The following ERC1 variants were observed in gnomAD, a reference collection of about 807,000 sequenced individuals.
ERC1 encodes ELKS/RAB6-interacting/CAST family member 1.
A neutral mutation model predicts 132.0 loss-of-function variants in ERC1; 56 were observed. The observed-to-expected ratio is 0.42, with a 90% CI of 0.34 to 0.53. The LOEUF (loss-of-function observed/expected upper bound fraction) is 0.53. Ranked by LOEUF, ERC1 falls within the 20% of genes least tolerant of loss-of-function variation. The probability of loss-of-function intolerance (pLI) is 0.03; values close to 1 mark genes in which losing one functional copy is unlikely to be tolerated. For synonymous variants in ERC1, 478 were observed against 476.1 expected (o/e 1.00, Z -0.05); for missense variants, 1,202 against 1,349.9 (o/e 0.89, Z 1.72).
intron 18 of ERC1, among the ~76,000 whole-genome samples, chr12:1,485,208 T>A (rs113099675): frequency 7.8e-6 from 1 of 128,302 alleles, no homozygotes; most frequent in Non-Finnish European, 1.6e-5. Flanking sequence ...TTTCTTTTTT[T>A]TTTTTTTTTT....
chr12:1,219,525 CTA>C (rs1305303212), intron 12 of ERC1, among the ~76,000 whole-genome samples: 2 of 152,248 alleles, frequency 1.3e-5, no homozygotes, highest in South Asian at 4.2e-4. Context: ...TCGATTCTCT[CTA>C]TGAACCATTA....
chr12:1,159,377 A>T (rs897244008), intron 8 of ERC1, among the ~76,000 whole-genome samples: 1 of 152,014 alleles, frequency 6.6e-6, no homozygotes, highest in African/African-American at 2.4e-5. Flanking sequence ...CTCTTGTGAG[A>T]ATCTAATGCT....
chr12:1,154,991 T>C (rs1951230957), intron 8 of ERC1, among the ~76,000 whole-genome samples: 1 of 152,106 alleles, frequency 6.6e-6, no homozygotes. Flanking sequence ...TATGGAAAAC[T>C]GTATGGATAT....
At chr12:1,057,127 G>A (rs1386348783) in intron 2 of ERC1, among the ~76,000 whole-genome samples, 1 of 151,988 alleles carries the variant, frequency 6.6e-6, no homozygotes, top group Non-Finnish European at 1.5e-5. Context: ...TTTATTTTTA[G>A]TGTTTTTTTG....
chr12:1,075,940 G>A (rs1244667716), intron 2 of ERC1, among the ~76,000 whole-genome samples: 2 of 152,246 alleles, frequency 1.3e-5, no homozygotes, highest in East Asian at 1.9e-4. Context: ...GTTCAAACCT[G>A]TGTGGTACAA....
chr12:1,325,904 A>G (rs967425303), intron 15 of ERC1, among the ~76,000 whole-genome samples: 2 of 152,080 alleles, frequency 1.3e-5, no homozygotes, highest in East Asian at 1.9e-4. Flanking sequence ...TATTTGATCA[A>G]TTGTTACCAT....
chr12:1,438,903 C>T (rs569970095), intron 17 of ERC1, among the ~76,000 whole-genome samples: 1 of 151,666 alleles, frequency 6.6e-6, no homozygotes, highest in Admixed American at 6.6e-5. Context: ...GATTGCATCA[C>T]TGCACTCCAG....
At chr12:1,001,153 C>T (rs1346116976) in intron 1 of ERC1, among the ~76,000 whole-genome samples, 2 of 152,170 alleles carry the variant, frequency 1.3e-5, no homozygotes, top group African/African-American at 2.4e-5. Context: ...CTGCTCACCT[C>T]GGCCTCCCAA....
intron 15 of ERC1, among the ~76,000 whole-genome samples, chr12:1,333,256 C>G (rs1266620946): frequency 6.6e-6 from 1 of 151,850 alleles, no homozygotes. Flanking sequence ...CCAGCTCCAT[C>G]CATGTGCCTG....
chr12:1,343,618 C>G (rs1469278017), intron 15 of ERC1, among the ~76,000 whole-genome samples: 2 of 152,114 alleles, frequency 1.3e-5, no homozygotes, highest in Non-Finnish European at 2.9e-5. Context: ...TTTCATCAGT[C>G]GTTCACTTAA....
intron 18 of ERC1, among the ~76,000 whole-genome samples, chr12:1,445,811 C>T (rs1279057831): frequency 6.6e-6 from 1 of 152,190 alleles, no homozygotes; most frequent in Non-Finnish European, 1.5e-5. Context: ...AAGCGGTAGC[C>T]ACTGAAGGAA....
chr12:1,383,972 A>G (rs937396929), intron 16 of ERC1, among the ~76,000 whole-genome samples: 5 of 152,146 alleles, frequency 3.3e-5, no homozygotes, highest in Non-Finnish European at 4.4e-5. Flanking sequence ...CCCGTAGCTC[A>G]TAAGTGGCTG....
At chr12:1,132,330 A>G (rs1446725277) in intron 7 of ERC1, among the ~76,000 whole-genome samples, 3 of 152,086 alleles carry the variant, frequency 2.0e-5, no homozygotes, top group Admixed American at 1.3e-4. Context: ...TCTGTTCCTA[A>G]TATTTATTAT....
intron 15 of ERC1, among the ~76,000 whole-genome samples, chr12:1,352,606 G>A (rs1212655753): frequency 6.7e-6 from 1 of 150,020 alleles, no homozygotes; most frequent in Non-Finnish European, 1.5e-5. Context: ...AGATCTGTCA[G>A]TAAACCCCCC....
At position 1,181,971 on chromosome 12, in the gene ERC1, G is replaced by A. The variant is rs541110924; in HGVS notation, c.1922G>A (p.Arg641Gln). Residue 641 changes from arginine (R) to glutamine (Q), a missense_variant, in exon 10 of 19, where the codon CGA becomes CAA. Coordinates refer to ENST00000360905, the MANE Select transcript of ERC1 (RefSeq NM_178040.4). Reference sequence around the variant, plus strand: ...AAGGAGCAGAGGGACAGAGATGAGCGAGAGAAGCAAGAGGAAATTGATAAC... The same window carrying A: ...AAGGAGCAGAGGGACAGAGATGAGCAAGAGAAGCAAGAGGAAATTGATAAC... ...RLKEQRDRDE[R>Q]EKQEEIDNYK... 5.6e-6 allele frequency: 9 copies of A among 1,614,028 alleles called. No individual in the cohort carries two copies. The highest frequency in any genetic ancestry group is 3.3e-5 in the Admixed American group (2 of 60,014).
At chr12:1,099,018 G>A (rs185300027) in intron 3 of ERC1, among the ~76,000 whole-genome samples, 8 of 152,136 alleles carry the variant, frequency 5.3e-5, no homozygotes, top group Admixed American at 2.6e-4. Context: ...GGATTGGGCC[G>A]TTGCTTTGAA....
At chr12:1,084,010 G>T (rs1457454804) in intron 3 of ERC1, among the ~76,000 whole-genome samples, 1 of 152,156 alleles carries the variant, frequency 6.6e-6, no homozygotes, top group Non-Finnish European at 1.5e-5. Context: ...AAAAGTCCTT[G>T]GCAGCAATAA....
chr12:1,207,907 T>G (rs1957486798), intron 12 of ERC1, among the ~76,000 whole-genome samples: 1 of 152,192 alleles, frequency 6.6e-6, no homozygotes, highest in Non-Finnish European at 1.5e-5. Context: ...AAATTTCATA[T>G]AAACCACAAA....
chr12:1,222,188 CA>C (rs1327623616), intron 12 of ERC1, among the ~76,000 whole-genome samples: 1 of 151,644 alleles, frequency 6.6e-6, no homozygotes, highest in African/African-American at 2.4e-5. Context: ...GCATTATCAT[CA>C]TGTGCTGTAG....
Sources: allele counts gnomAD v4.1 joint callset (sites outside exome capture counted in the v4.1 genomes callset), GRCh38; gene constraint gnomAD v4.1.1; transcripts MANE v1.5; gene names NCBI Gene and HGNC (gene_info 2026-07-23, HGNC 2026-07-21).